Variants in CNOT1 observed in about 807,000 individuals in gnomAD.
CNOT1 encodes the protein CCR4-NOT transcription complex subunit 1.
In CNOT1, 15 loss-of-function variants were observed where a neutral mutation model predicts 273.8. That is an observed-to-expected ratio of 0.05 (90% CI 0.04 to 0.08). The LOEUF (loss-of-function observed/expected upper bound fraction) is 0.08, where lower values mean the gene tolerates loss of function less well. Among genes scored for constraint, CNOT1 ranks in the 10% least tolerant of loss-of-function variants. The pLI, the probability that CNOT1 is intolerant of heterozygous loss-of-function variation, is 1.00. For synonymous variants in CNOT1, 1,022 were observed against 1,005.5 expected, an observed-to-expected ratio of 1.02 and a Z score of -0.31; for missense variants, 1,644 against 2,912.2, an observed-to-expected ratio of 0.56 and a Z score of 10.02.
intron 1 of CNOT1, among the ~76,000 whole-genome samples, chr16:58,621,264 GCTAA>G (rs966940624): frequency 4.6e-5 from 7 of 151,820 alleles, no homozygotes; most frequent in African/African-American, 1.7e-4. Context: ...CGCTGGCCCA[GCTAA>G]CTATTCTTTC....
intron 2 of CNOT1, 56 bp from the exon 3 acceptor site, chr16:58,588,962 G>C (rs2041963392): frequency 6.8e-7 from 1 of 1,467,028 alleles, no homozygotes; most frequent in Non-Finnish European, 9.1e-7. Flanking sequence ...AAAAAAAAAA[G>C]TAAGGTTTCA....
rs2041653095 is a variant in CNOT1 at position 58,581,330 on chromosome 16, A to G, written c.1215+15T>C. Reference sequence around the variant, plus strand: ...GTTTTATTCCCCCATCTATAGCTAAATACCACTTACTCACCTGGCCTTCAG... The same window carrying G: ...GTTTTATTCCCCCATCTATAGCTAAGTACCACTTACTCACCTGGCCTTCAG... On this transcript the variant is annotated intron_variant, in intron 11 of 48. Transcript: ENST00000317147. 1 of 1,598,860 alleles carries G rather than the reference A, an allele frequency of 6.3e-7. No individual in the cohort carries two copies.
intron 16 of CNOT1, among the ~76,000 whole-genome samples, chr16:58,570,416 C>A (rs775122055): frequency 4.6e-5 from 7 of 152,176 alleles, no homozygotes; most frequent in African/African-American, 7.2e-5. Context: ...AACGGGAGAT[C>A]AGTTTGAGCC....
intron 10 of CNOT1, among the ~76,000 whole-genome samples, chr16:58,582,182 C>T (rs1488237904): frequency 6.6e-6 from 1 of 151,282 alleles, no homozygotes; most frequent in Non-Finnish European, 1.5e-5. Flanking sequence ...GACCGAGCTA[C>T]TTGGGAGGCT....
chr16:58,551,163 T>C lies in CNOT1; in HGVS notation c.3311A>G (p.Asn1104Ser). The C allele has an allele frequency of 1.2e-6, 2 of 1,608,744 alleles. No individual in the cohort carries two copies. The highest frequency in any genetic ancestry group is 1.7e-6 in the Non-Finnish European group (2 of 1,178,784). The change falls in exon 24 of 49, where the codon AAT becomes AGT. Residue 1104 changes from asparagine (N) to serine (S), a missense_variant. By Grantham distance (46) the Asn-to-Ser change is conservative (BLOSUM62 1). This residue lies in a region of CNOT1 where 124 missense variants were observed against 289.3 expected (regional missense o/e 0.43). Coordinates refer to ENST00000317147, the MANE Select transcript of CNOT1 (RefSeq NM_016284.5). The part of the protein sequence containing the change: ...NIQEKIAFIF[N>S]NLSQSNMTQK... ...TGTCATATTTGACTGTGAGAGATTA[T>C]TGAAAATAAAAGCAATTTTCTCCTG...
intron 47 of CNOT1, among the ~76,000 whole-genome samples, 156 bp from the exon 48 acceptor site, chr16:58,521,473 G>A (rs2039366949): frequency 6.6e-6 from 1 of 152,158 alleles, no homozygotes; most frequent in African/African-American, 2.4e-5. Flanking sequence ...ACTCCAAATA[G>A]CACAGGTTGG....
chr16:58,547,525 G>A lies in CNOT1; in HGVS notation c.3639+41C>T. ...CAGCCAATACTTGTAATCATAATGT[G>A]CTGAAGATTCTCAATTTTTACACAT... On this transcript the variant is annotated intron_variant, in intron 26 of 48. Transcript: ENST00000317147. This position sits in a 1 kb window ranked among gnomAD's most constrained non-coding sequence, Gnocchi z 4.0. The A allele has an allele frequency of 6.3e-7, 1 of 1,583,192 alleles. No homozygotes were observed. Among genetic ancestry groups the A allele is most frequent in the Non-Finnish European group, 8.6e-7 (1 of 1,162,418 alleles).
At chr16:58,551,940 T>C in intron 22 of CNOT1, 121 bp from the exon 23 acceptor site, 10 of 1,296,710 alleles carry the variant, frequency 7.7e-6, no homozygotes, top group South Asian at 1.4e-5. Flanking sequence ...CTAGCTCACA[T>C]ACTCTTTGCC....
intron 12 of CNOT1, 90 bp downstream of exon 12, chr16:58,580,543 C>A: frequency 6.7e-7 from 1 of 1,486,944 alleles, no homozygotes; most frequent in Non-Finnish European, 8.9e-7. Flanking sequence ...TCATTTAAAC[C>A]TGTTAACTAT....
rs769969208 is a variant in CNOT1 at position 58,538,102 on chromosome 16, A to G, written c.5245-42T>C. On this transcript the variant is annotated intron_variant, in intron 37 of 48. Transcript: ENST00000317147. The stretch of plus-strand genomic sequence containing the variant: ...CATAATGTGAGAGGGAAAACACTTA[A>G]GAGCAAACGTACTTCCCTGAGTCCT... 9 of 1,613,930 alleles carry G rather than the reference A, an allele frequency of 5.6e-6. No individual in the cohort carries two copies. In the Admixed American group the frequency reaches 1.3e-4, roughly 24 times the overall value.
chr16:58,621,072 G>C (rs546129848), intron 1 of CNOT1, among the ~76,000 whole-genome samples: 2 of 151,778 alleles, frequency 1.3e-5, no homozygotes, highest in South Asian at 4.2e-4. Context: ...GGAGTGCAAT[G>C]ATCACAGCCC....
At position 58,539,957 on chromosome 16, in the gene CNOT1, T is replaced by C. The variant is rs759549761; in HGVS notation, c.4803A>G (p.Gln1601=). The C allele has an allele frequency of 1.9e-5, 31 of 1,600,102 alleles. No individual in the cohort carries two copies. The South Asian group carries it at 2.4e-4, about 12-fold the overall frequency. ...PTGFLAQPMK[Q]AWATDDVAQI... is the part of the protein sequence containing the mutation. The stretch of plus-strand genomic sequence containing the variant: ...GAGCTACATCATCTGTTGCCCAAGC[T>C]TGCTGTTTTACAGAAGGAAACAACC... Residue 1601 remains glutamine (Q), a splice_region_variant and synonymous_variant, in exon 35 of 49, where the codon CAA becomes CAG. Transcript: ENST00000317147.
rs548667722 is a variant in CNOT1 at position 58,615,476 on chromosome 16, G to A, written c.-175+14252C>T. On this transcript the variant is annotated intron_variant, in intron 1 of 48. Coordinates refer to ENST00000317147, the MANE Select transcript of CNOT1 (RefSeq NM_016284.5). ...ATTCTCTGTTTTTGACTATCTGCCC[G>A]ATGAATAAACCCCCAAGACCTAGAG... 7.2e-5 allele frequency among the ~76,000 whole-genome samples: 9 copies of A among 124,968 alleles called. 2 individuals carry two copies. In the South Asian group the frequency reaches 9.5e-4, roughly 13 times the overall value. The allele number at this position is 124,968 out of a possible 152,430, so 82.0% of individuals were successfully genotyped here.
At chr16:58,561,148 G>C (rs2040826453) in intron 16 of CNOT1, among the ~76,000 whole-genome samples, 1 of 152,190 alleles carries the variant, frequency 6.6e-6, no homozygotes, top group African/African-American at 2.4e-5. Context: ...TCGCACCACA[G>C]CACTTCAGCC....
At chr16:58,521,398 T>G in intron 47 of CNOT1, 81 bp from the exon 48 acceptor site, 1 of 1,425,654 alleles carries the variant, frequency 7.0e-7, no homozygotes, top group East Asian at 2.3e-5. Flanking sequence ...TTTTTCTAAC[T>G]TCTCCCTGAC....
In CNOT1 at chr16:58,555,448, T is replaced by C; in HGVS notation, c.2694A>G (p.Glu898=). 1 of 1,614,158 alleles carries C rather than the reference T, an allele frequency of 6.2e-7. No individual in the cohort carries two copies. Among genetic ancestry groups the C allele is most frequent in the Admixed American group, 1.7e-5 (1 of 60,030 alleles). ...FNCMLRNLFE[E]YRFFPQYPDK... ...CAGGATACTGGGGAAAAAAACGATA[T>C]TCTTCAAACAAGTTCCTTAGCATAC... is the stretch of plus-strand genomic sequence containing the variant. Residue 898 remains glutamate, a synonymous_variant, in exon 21 of 49, where the codon GAA becomes GAG. Coordinates refer to ENST00000317147, the MANE Select transcript of CNOT1 (RefSeq NM_016284.5).
At chr16:58,587,539 C>T (rs2041915456) in intron 4 of CNOT1, 126 bp from the exon 5 acceptor site, 2 of 1,340,060 alleles carry the variant, frequency 1.5e-6, no homozygotes, top group Non-Finnish European at 2.0e-6. Context: ...TTACTAGAAA[C>T]ATTACACTAT....
In CNOT1 at chr16:58,543,739, T is replaced by G; in HGVS notation, c.4302A>C (p.Glu1434Asp). ...GATGAGCTGCTATTCGCATTCGAGA[T>G]TCCTCCGAATCCAGGGCAAAATCCT... ...VRKDFALDSEESRMRIAAHHM... is the reference protein window; with the variant it reads ...VRKDFALDSEDSRMRIAAHHM... The change falls in exon 31 of 49, where the codon GAA becomes GAC. Residue 1434 changes from glutamate (E) to aspartate (D), a missense_variant. By Grantham distance (45) the Glu-to-Asp change is conservative. Around this residue, in one of 13 missense-constraint regions of CNOT1, gnomAD observed 133 missense variants for 230.4 expected, o/e 0.58. Coordinates refer to ENST00000317147, the MANE Select transcript of CNOT1 (RefSeq NM_016284.5). The G allele has an allele frequency of 6.2e-7, 1 of 1,614,148 alleles. No individual in the cohort carries two copies. Among genetic ancestry groups the G allele is most frequent in the Non-Finnish European group, 8.5e-7 (1 of 1,180,030 alleles).
At chr16:58,623,500 G>A (rs2043436225) in intron 1 of CNOT1, 1 of 152,100 alleles carries the variant, frequency 6.6e-6, no homozygotes, top group Non-Finnish European at 1.5e-5. Flanking sequence ...GGGTTAAGGT[G>A]ACCACCAAAG....
Sources: gnomAD v4.1 joint callset for allele counts (sites outside exome capture counted in the v4.1 genomes callset) on GRCh38, gnomAD v4.1.1 for gene constraint, gnomAD v4.1.1 regional missense constraint, Gnocchi (gnomAD v3.1) non-coding constraint, MANE v1.5 for transcripts, NCBI Gene and HGNC (gene_info 2026-07-23, HGNC 2026-07-21) for gene names.